NUDT19: variants seen among roughly 807,000 people sequenced by gnomAD.
The protein encoded by NUDT19 is nudix hydrolase 19, also known as acyl-coenzyme A diphosphatase NUDT19.
Under a neutral mutation model 22.2 loss-of-function variants are expected in NUDT19, and 31 were observed. The observed-to-expected ratio is 1.40, with a 90% confidence interval of 1.05 to 1.89. The LOEUF is 1.89. NUDT19 is among the 40% of genes most tolerant of loss of function. The pLI is 0.00. For synonymous variants in NUDT19, 325 were observed against 230.8 expected, an observed-to-expected ratio of 1.41 and a Z score of -3.70; for missense variants, 752 against 514.2, an observed-to-expected ratio of 1.46 and a Z score of -4.47.
intron 2 of NUDT19, among the ~76,000 whole-genome samples, chr19:32,710,435 A>C (rs1003836082): frequency 6.6e-6 from 1 of 151,472 alleles, no homozygotes; most frequent in Non-Finnish European, 1.5e-5. Flanking sequence ...AAAAAAAAAA[A>C]AAACAAATTA....
At chr19:32,695,546 C>A (rs749930290) in intron 1 of NUDT19, among the ~76,000 whole-genome samples, 2 of 152,184 alleles carry the variant, frequency 1.3e-5, no homozygotes, top group Non-Finnish European at 2.9e-5. Flanking sequence ...TTCTCTCTGA[C>A]TCCTTTGTCT....
Position 32,692,059 on chromosome 19 carries a change from G to A in NUDT19, c.99G>A (p.Pro33=), listed in dbSNP as rs973201122. ...CGCGCCCGGAGACCGCCACCCCGCC[G>A]TCGCGCCCGCCGCCGGCCGAGGGCT... The part of the protein sequence containing the change: ...GWSRPETATP[P]SRPPPAEGFR... The change falls in exon 1 of 3, where the codon CCG becomes CCA. Residue 33 remains proline, a synonymous_variant. Coordinates refer to ENST00000397061, the MANE Select transcript of NUDT19 (RefSeq NM_001105570.2). 7.0e-6 allele frequency: 9 copies of A among 1,291,772 alleles called. No individual in the cohort carries two copies. The highest frequency in any genetic ancestry group is 3.9e-6 in the Non-Finnish European group (4 of 1,024,342). The allele number at this position is 1,291,772 out of a possible 1,614,324, so 80.0% of individuals were successfully genotyped here. A position where few individuals can be genotyped will look rare whatever the true frequency, so the allele number is the denominator to read the frequency against.
rs118088644 is a variant in NUDT19, at chr19:32,711,753, T to C, written c.924T>C (p.Gly308=). 8.1e-5 allele frequency: 127 copies of C among 1,571,306 alleles called. 2 individuals carry two copies. The East Asian group carries it at 2.8e-3, about 35-fold the overall frequency. The change falls in exon 3 of 3, where the codon GGT becomes GGC. Residue 308 remains glycine (G), a splice_region_variant and synonymous_variant. Coordinates refer to ENST00000397061, the MANE Select transcript of NUDT19 (RefSeq NM_001105570.2). ...AAATCAGATTTTTTCCTTTTTCAGG[T>C]GATGAGCTATATTTAGAAGATTCAG... The part of the protein sequence containing the change: ...TADGMVHLLP[G]DELYLEDSDF...
chr19:32,701,268 TG>T (rs889455240), intron 1 of NUDT19, among the ~76,000 whole-genome samples: 1 of 148,462 alleles, frequency 6.7e-6, no homozygotes, highest in Non-Finnish European at 1.5e-5. Flanking sequence ...TGCAGTGGTC[TG>T]ATCTTGGCTC....
chr19:32,692,708 C>G, intron 1 of NUDT19, 34 bp downstream of exon 1: 1 of 1,415,806 alleles, frequency 7.1e-7, no homozygotes, highest in East Asian at 2.7e-5. Flanking sequence ...TGCGGACCGC[C>G]AGGACGTGAG....
chr19:32,702,876 T>G (rs1334286212), intron 1 of NUDT19, among the ~76,000 whole-genome samples: 2 of 152,228 alleles, frequency 1.3e-5, no homozygotes, highest in Non-Finnish European at 1.5e-5. Context: ...TTTCATTTCG[T>G]TTATAGAGTT....
chr19:32,701,022 A>C (rs1968329255), intron 1 of NUDT19, among the ~76,000 whole-genome samples: 1 of 151,268 alleles, frequency 6.6e-6, no homozygotes, highest in South Asian at 2.1e-4. Flanking sequence ...CCTGGACAAC[A>C]GAGTCAGGCC....
rs528531626 is a variant in NUDT19 at position 32,712,241 on chromosome 19, A to AT, written c.*293dup. Reference sequence around the variant, plus strand: ...AGGCGCCCGCCACCATGCCCAGCTAATTTTTTTTTGTATTTTTAGTAGAGA... The same window carrying AT: ...AGGCGCCCGCCACCATGCCCAGCTAATTTTTTTTTTGTATTTTTAGTAGAGA... On this transcript the variant is annotated 3_prime_UTR_variant, in exon 3 of 3. Transcript: ENST00000397061. 153 of 276,842 alleles carry AT rather than the reference A, an allele frequency of 5.5e-4. No homozygotes were observed. The highest frequency in any genetic ancestry group is 1.3e-3 in the Middle Eastern group (1 of 786). The allele number at this position is 276,842 out of a possible 1,614,324, so 17.1% of individuals were successfully genotyped here.
In NUDT19 at chr19:32,713,010, T is replaced by G. The variant is rs1207276720; in HGVS notation, c.*1053T>G. The G allele has an allele frequency of 6.6e-6, 1 of 152,226 alleles. No individual in the cohort carries two copies. Among genetic ancestry groups the G allele is most frequent in the East Asian group, 1.9e-4 (1 of 5,204 alleles). The allele number at this position is 152,226 out of a possible 1,614,324, so 9.4% of individuals were successfully genotyped here. A position where few individuals can be genotyped will look rare whatever the true frequency, so the allele number is the denominator to read the frequency against. On this transcript the variant is annotated 3_prime_UTR_variant, in exon 3 of 3. Coordinates refer to ENST00000397061, the MANE Select transcript of NUDT19 (RefSeq NM_001105570.2). ...TCTTATTAGATGATGAAAAGTTGGC[T>G]GAGACACCCTTCAAGTGACCATGTC...
intron 1 of NUDT19, among the ~76,000 whole-genome samples, chr19:32,697,719 C>T (rs568535606): frequency 6.6e-6 from 1 of 152,290 alleles, no homozygotes; most frequent in African/African-American, 2.4e-5. Context: ...GCTAAAGCCA[C>T]ATTCTTTTCA....
Position 32,692,227 on chromosome 19 carries a change from C to A in NUDT19, c.267C>A (p.Phe89Leu). ...LFAPHHGPPR[F>L]GLGPAPFSRT... Reference sequence around the variant, plus strand: ...CGCCGCACCACGGGCCGCCGCGCTTCGGCCTGGGCCCGGCGCCATTCAGCC... The same window carrying A: ...CGCCGCACCACGGGCCGCCGCGCTTAGGCCTGGGCCCGGCGCCATTCAGCC... The change falls in exon 1 of 3, where the codon TTC (phenylalanine) becomes TTA (leucine). Residue 89 changes from phenylalanine (F) to leucine (L), a missense_variant. Coordinates refer to ENST00000397061, the MANE Select transcript of NUDT19 (RefSeq NM_001105570.2). The A allele has an allele frequency of 6.3e-7, 1 of 1,585,498 alleles. No homozygotes were observed. Among genetic ancestry groups the A allele is most frequent in the Non-Finnish European group, 8.5e-7 (1 of 1,174,636 alleles).
At chr19:32,706,868 T>G (rs557116646) in intron 1 of NUDT19, among the ~76,000 whole-genome samples, 2 of 152,286 alleles carry the variant, frequency 1.3e-5, no homozygotes, top group South Asian at 4.2e-4. Context: ...GACTACTGTA[T>G]GCTGCTTCCC....
intron 1 of NUDT19, among the ~76,000 whole-genome samples, chr19:32,700,280 T>G (rs1968320351): frequency 6.6e-6 from 1 of 152,172 alleles, no homozygotes; most frequent in Non-Finnish European, 1.5e-5. Context: ...ACAGTGCTGA[T>G]TGGTCCGTTT....
Position 32,711,797 on chromosome 19 carries a change from T to C in NUDT19, c.968T>C (p.Met323Thr), listed in dbSNP as rs1167433061. The C allele has an allele frequency of 3.1e-6, 5 of 1,613,724 alleles. No homozygotes were observed. Among genetic ancestry groups the C allele is most frequent in the Admixed American group, 1.7e-5 (1 of 59,980 alleles). ...LEDSDFLENLMSTEKKTEEIM... is the reference protein window; with the variant it reads ...LEDSDFLENLTSTEKKTEEIM... ...GATTCAGACTTTTTGGAAAATCTTA[T>C]GTCTACTGAAAAAAAGACTGAGGAA... The change falls in exon 3 of 3, where the codon ATG (methionine) becomes ACG (threonine). Residue 323 changes from methionine (M) to threonine (T), a missense_variant. Coordinates refer to ENST00000397061, the MANE Select transcript of NUDT19 (RefSeq NM_001105570.2).
chr19:32,692,329 C>T lies in NUDT19; in HGVS notation c.369C>T (p.Ala123=), dbSNP rs776667205. Residue 123 remains alanine, a synonymous_variant, in exon 1 of 3, where the codon GCC becomes GCT. Transcript: ENST00000397061. The part of the protein sequence containing the change: ...DNTGTLPEDV[A]FRICAVREAF... ...CTGGGACGCTGCCTGAGGACGTAGC[C>T]TTCCGCATCTGCGCCGTGCGGGAGG... The T allele has an allele frequency of 2.5e-6, 4 of 1,592,012 alleles. No individual in the cohort carries two copies. The highest frequency in any genetic ancestry group is 3.4e-5 in the Admixed American group (2 of 59,684).
At chr19:32,710,930 G>T (rs1210481259) in intron 2 of NUDT19, among the ~76,000 whole-genome samples, 2 of 151,998 alleles carry the variant, frequency 1.3e-5, no homozygotes, top group Admixed American at 1.3e-4. Context: ...CCTACAGTGG[G>T]AAAATTTAGC....
intron 1 of NUDT19, among the ~76,000 whole-genome samples, chr19:32,693,463 A>T (rs12611419): frequency 1.3e-5 from 2 of 152,126 alleles, no homozygotes; most frequent in African/African-American, 4.8e-5. Context: ...AGTGAGCAGC[A>T]GCAAGATTTA....
chr19:32,703,637 C>T (rs1312557794), intron 1 of NUDT19, among the ~76,000 whole-genome samples: 1 of 140,022 alleles, frequency 7.1e-6, no homozygotes. Context: ...GTGTGGGCCA[C>T]TGTGCCCAGC....
In NUDT19 at chr19:32,693,174, C is replaced by G. The variant is rs576719400; in HGVS notation, c.714+500C>G. Among the ~76,000 whole-genome samples, 3 of 152,264 alleles carry G rather than the reference C, an allele frequency of 2.0e-5. No homozygotes were observed. In the East Asian group the frequency reaches 5.8e-4, roughly 29 times the overall value. On this transcript the variant is annotated intron_variant, in intron 1 of 2. Coordinates refer to ENST00000397061, the MANE Select transcript of NUDT19 (RefSeq NM_001105570.2). ...GACTTTAAGAATAAAGCCGCGGACCCTCGAAGTGAGTGTTACAGTTCTTAA... is the reference window on the plus strand; with the variant it reads ...GACTTTAAGAATAAAGCCGCGGACCGTCGAAGTGAGTGTTACAGTTCTTAA...
Sources: gnomAD v4.1 joint callset for allele counts (sites outside exome capture counted in the v4.1 genomes callset) on GRCh38, gnomAD v4.1.1 for gene constraint, MANE v1.5 for transcripts, NCBI Gene and HGNC (gene_info 2026-07-23, HGNC 2026-07-21) for gene names.